PAFAH1B1: variants seen among roughly 807,000 people sequenced by gnomAD.
The protein encoded by PAFAH1B1 is platelet activating factor acetylhydrolase 1b regulatory subunit 1.
In PAFAH1B1, 2 loss-of-function variants were observed where a neutral mutation model predicts 57.5. The ratio of observed to expected loss-of-function variants is 0.03; its 90% CI spans 0.01 to 0.11. PAFAH1B1 has a LOEUF of 0.11. PAFAH1B1 is among the 10% of genes least tolerant of loss of function. The pLI is 1.00. For synonymous variants in PAFAH1B1, 152 were observed against 169.6 expected (o/e 0.90, Z 0.81); for missense variants, 257 against 512.0 (o/e 0.50, Z 4.81).
chr17:2,672,836 A>G, intron 7 of PAFAH1B1, 79 bp downstream of exon 7: 1 of 864,392 alleles, frequency 1.2e-6, no homozygotes, highest in East Asian at 2.6e-5. Context: ...TTGGGAGGCC[A>G]AGGTGGGCAG....
chr17:2,675,334 A>G (rs995689392), intron 8 of PAFAH1B1, among the ~76,000 whole-genome samples: 2 of 152,128 alleles, frequency 1.3e-5, no homozygotes, highest in African/African-American at 2.4e-5. Context: ...CATTCCTATC[A>G]TGTATTTTTA....
At chr17:2,631,242 CA>C (rs1014173998) in intron 1 of PAFAH1B1, among the ~76,000 whole-genome samples, 77 of 130,230 alleles carry the variant, frequency 5.9e-4, no homozygotes, top group Admixed American at 7.0e-4. Flanking sequence ...TGCTCTGTCT[CA>C]AAAAAAAAAA....
chr17:2,654,246 A>G (rs373772237), intron 2 of PAFAH1B1, among the ~76,000 whole-genome samples: 11 of 145,968 alleles, frequency 7.5e-5, no homozygotes, highest in South Asian at 2.1e-4. Context: ...CTGAAGTGCA[A>G]TGGTGCTGTC....
Position 2,666,109 on chromosome 17 carries a change from TTTAAAA to T in PAFAH1B1, c.192+23_192+28del. 1 of 1,461,142 alleles carries T rather than the reference TTTAAAA, an allele frequency of 6.8e-7. No homozygotes were observed. Among genetic ancestry groups the T allele is most frequent in the Non-Finnish European group, 9.4e-7 (1 of 1,068,304 alleles). 90.5% of individuals were successfully genotyped at this position (1,461,142 alleles called of 1,614,324 possible). A position where few individuals can be genotyped will look rare whatever the true frequency, so the allele number is the denominator to read the frequency against. The stretch of plus-strand genomic sequence containing the variant: ...AAAGAAGGTAACTAAGTCTTTTTTC[TTTAAAA>T]TTAGTTGTATTCAGTTATATAAACT... On this transcript the variant is annotated intron_variant, in intron 4 of 10. Transcript: ENST00000397195.
intron 5 of PAFAH1B1, among the ~76,000 whole-genome samples, chr17:2,668,203 G>A (rs2069134398): frequency 6.6e-6 from 1 of 151,844 alleles, no homozygotes; most frequent in Non-Finnish European, 1.5e-5. Context: ...GCGTGCGCCT[G>A]TAGTCCCAGC....
At chr17:2,665,886 C>T in intron 3 of PAFAH1B1, 130 bp from the exon 4 acceptor site, 1 of 966,508 alleles carries the variant, frequency 1.0e-6, no homozygotes, top group Non-Finnish European at 1.5e-6. Context: ...ACAGGTGAGC[C>T]ACCATGCCCA....
At chr17:2,663,843 T>C (rs893413232) in intron 2 of PAFAH1B1, among the ~76,000 whole-genome samples, 7 of 152,048 alleles carry the variant, frequency 4.6e-5, no homozygotes, top group Admixed American at 2.0e-4. Flanking sequence ...TACAGGCGCA[T>C]ACCACCACAC....
At chr17:2,594,076 C>T in intron 1 of PAFAH1B1, 70 bp downstream of exon 1, 1 of 396,168 alleles carries the variant, frequency 2.5e-6, no homozygotes, top group Non-Finnish European at 4.5e-6. Context: ...CAGGCCGGAC[C>T]CGGCGGCCTG....
chr17:2,646,405 T>G (rs2068768956), intron 2 of PAFAH1B1, among the ~76,000 whole-genome samples: 1 of 142,930 alleles, frequency 7.0e-6, no homozygotes, highest in Admixed American at 7.7e-5. Context: ...CTATTAGGTT[T>G]GAAACAATCT....
intron 1 of PAFAH1B1, among the ~76,000 whole-genome samples, chr17:2,625,518 T>C (rs1455239620): frequency 1.3e-5 from 2 of 152,224 alleles, no homozygotes; most frequent in Non-Finnish European, 2.9e-5. Flanking sequence ...AGAACTTCTA[T>C]ACCAGGTAGT....
intron 1 of PAFAH1B1, among the ~76,000 whole-genome samples, chr17:2,636,599 G>C (rs1255919712): frequency 6.6e-6 from 1 of 152,012 alleles, no homozygotes; most frequent in Non-Finnish European, 1.5e-5. Context: ...AGATTTCACC[G>C]TGTTGGCCAG....
In PAFAH1B1 at chr17:2,667,552, G is replaced by C. The variant is rs558143178; in HGVS notation, c.399+354G>C. Reference sequence around the variant, plus strand: ...GTCGGGTGTCACTAACTGAGTTGATGTCAGTACATCACCTTGTGCTTGAAC... The same window carrying C: ...GTCGGGTGTCACTAACTGAGTTGATCTCAGTACATCACCTTGTGCTTGAAC... On this transcript the variant is annotated intron_variant, in intron 5 of 10. Coordinates refer to ENST00000397195, the MANE Select transcript of PAFAH1B1 (RefSeq NM_000430.4). 2.5e-4 allele frequency: 81 copies of C among 319,334 alleles called. 2 individuals are homozygous for C. In the Admixed American group the frequency reaches 3.4e-3, roughly 13 times the overall value. The allele number at this position is 319,334 out of a possible 1,614,324, so 19.8% of individuals were successfully genotyped here.
intron 2 of PAFAH1B1, among the ~76,000 whole-genome samples, chr17:2,664,234 C>G (rs971901155): frequency 1.3e-5 from 2 of 152,148 alleles, no homozygotes; most frequent in African/African-American, 4.8e-5. Context: ...TACAATACTA[C>G]TGGAGTGTGT....
intron 1 of PAFAH1B1, among the ~76,000 whole-genome samples, chr17:2,604,750 G>T (rs1329395144): frequency 6.6e-6 from 1 of 152,108 alleles, no homozygotes; most frequent in African/African-American, 2.4e-5. Flanking sequence ...GAGTATTGGA[G>T]TGAGCCGAGA....
intron 2 of PAFAH1B1, among the ~76,000 whole-genome samples, chr17:2,656,157 C>G (rs567334775): frequency 5.9e-5 from 9 of 152,174 alleles, no homozygotes; most frequent in African/African-American, 9.7e-5. Flanking sequence ...AACTCCTAAC[C>G]TCGTGATCTG....
At chr17:2,606,387 C>T (rs371563950) in intron 1 of PAFAH1B1, among the ~76,000 whole-genome samples, 4 of 151,472 alleles carry the variant, frequency 2.6e-5, no homozygotes, top group Non-Finnish European at 2.9e-5. Flanking sequence ...TTTTTGGAGA[C>T]GAAGTTTCAC....
chr17:2,679,145 C>G (rs1362222876), intron 9 of PAFAH1B1, among the ~76,000 whole-genome samples: 1 of 152,102 alleles, frequency 6.6e-6, no homozygotes, highest in Non-Finnish European at 1.5e-5. Context: ...GGTATCATGC[C>G]CCTTAAGGTA....
At chr17:2,598,117 C>T (rs1399353831) in intron 1 of PAFAH1B1, among the ~76,000 whole-genome samples, 1 of 151,982 alleles carries the variant, frequency 6.6e-6, no homozygotes, top group Non-Finnish European at 1.5e-5. Context: ...GGCATGGTGG[C>T]GCACACCTGT....
intron 2 of PAFAH1B1, among the ~76,000 whole-genome samples, chr17:2,644,902 A>G (rs2068745960): frequency 6.6e-6 from 1 of 152,300 alleles, no homozygotes; most frequent in East Asian, 1.9e-4. Context: ...GAAAGAGGAG[A>G]ACCTAATTTC....
Sources: allele counts gnomAD v4.1 joint callset (sites outside exome capture counted in the v4.1 genomes callset), GRCh38; gene constraint gnomAD v4.1.1; transcripts MANE v1.5; gene names NCBI Gene and HGNC (gene_info 2026-07-23, HGNC 2026-07-21).